MEF2D: variants seen among roughly 807,000 people sequenced by gnomAD.
MEF2D encodes myocyte-specific enhancer factor 2D.
Under a neutral mutation model 59.3 loss-of-function variants are expected in MEF2D, and 10 were observed. The ratio of observed to expected loss-of-function variants is 0.17; its 90% CI spans 0.10 to 0.29. MEF2D has a LOEUF of 0.29. Ranked by LOEUF, MEF2D falls within the 10% of genes least tolerant of loss-of-function variation. The pLI is 1.00. For synonymous variants in MEF2D, 305 were observed against 295.0 expected, an observed-to-expected ratio of 1.03 and a Z score of -0.35; for missense variants, 508 against 699.4, an observed-to-expected ratio of 0.73 and a Z score of 3.09.
rs182200859 is a variant in MEF2D, at chr1:156,487,989, T to G, written c.-138-4559A>C. ...AGGGGGTTGGCCAGGATGGCCTTCC[T>G]GTTCTGATGGCCCCAGGGCCTGCCC... is the stretch of plus-strand genomic sequence containing the variant. On this transcript the variant is annotated intron_variant, in intron 1 of 11. Coordinates refer to ENST00000348159, the MANE Select transcript of MEF2D (RefSeq NM_005920.4). 1.4e-4 allele frequency among the ~76,000 whole-genome samples: 21 copies of G among 152,358 alleles called. No homozygotes were observed. The East Asian group carries it at 4.0e-3, about 29-fold the overall frequency.
chr1:156,477,260 A>G, intron 6 of MEF2D, 58 bp from the exon 7 acceptor site: 3 of 1,452,018 alleles, frequency 2.1e-6, no homozygotes, highest in Non-Finnish European at 2.8e-6. Flanking sequence ...CTTCAGCCCT[A>G]TTAACTTCCC....
chr1:156,497,816 G>A (rs1438951555), intron 1 of MEF2D, among the ~76,000 whole-genome samples: 1 of 152,064 alleles, frequency 6.6e-6, no homozygotes, highest in Non-Finnish European at 1.5e-5. Flanking sequence ...AGAGCAGGGG[G>A]CCCAGCTGGT....
At chr1:156,480,630 T>G (rs1373010156) in intron 4 of MEF2D, 1 of 1,543,102 alleles carries the variant, frequency 6.5e-7, no homozygotes. Context: ...CTCTGCTCCA[T>G]GCGACTACTC....
chr1:156,481,356 A>T (rs181117380), intron 3 of MEF2D, among the ~76,000 whole-genome samples: 48 of 152,242 alleles, frequency 3.2e-4, no homozygotes, highest in Admixed American at 3.0e-3. Context: ...GTAAGCCCTG[A>T]CCAGAAGGCA....
chr1:156,497,120 T>C (rs1424618278), intron 1 of MEF2D, among the ~76,000 whole-genome samples: 3 of 152,234 alleles, frequency 2.0e-5, no homozygotes, highest in African/African-American at 7.2e-5. Context: ...TCCTACCTGC[T>C]GTGATCATGG....
intron 1 of MEF2D, among the ~76,000 whole-genome samples, chr1:156,492,130 G>T (rs1045326916): frequency 6.6e-6 from 1 of 152,366 alleles, no homozygotes; most frequent in Non-Finnish European, 1.5e-5. Context: ...CACTGCCTTG[G>T]GGCGTCACAG....
At position 156,466,414 on chromosome 1, in the gene MEF2D, G is replaced by C. The variant is rs1670848063; in HGVS notation, c.*1231C>G. 6.5e-6 allele frequency: 1 copy of C among 153,072 alleles called. No individual in the cohort carries two copies. Among genetic ancestry groups the C allele is most frequent in the Admixed American group, 6.5e-5 (1 of 15,282 alleles). 9.5% of individuals were successfully genotyped at this position (153,072 alleles called of 1,614,324 possible). On this transcript the variant is annotated 3_prime_UTR_variant, in exon 12 of 12. Transcript: ENST00000348159. ...ATGCAGCCTGGAGGTGGTGGGACAA[G>C]GAGGTAGCCAGAGACAATAGGGGCG... is the stretch of plus-strand genomic sequence containing the variant.
Position 156,472,751 on chromosome 1 carries a change from C to T in MEF2D, c.1006+2357G>A, listed in dbSNP as rs567203223. ...TTTTGAGATGGAGTCTCACTGTTGCCCAGGCTGGAGTGCAGTGGCGTGATC... is the reference window on the plus strand; with the variant it reads ...TTTTGAGATGGAGTCTCACTGTTGCTCAGGCTGGAGTGCAGTGGCGTGATC... On this transcript the variant is annotated intron_variant, in intron 9 of 11. Transcript: ENST00000348159. 2.0e-5 allele frequency among the ~76,000 whole-genome samples: 3 copies of T among 151,922 alleles called. No individual in the cohort carries two copies. In the East Asian group the frequency reaches 5.8e-4, roughly 30 times the overall value.
At chr1:156,478,490 G>A (rs1346136332) in intron 6 of MEF2D, among the ~76,000 whole-genome samples, 1 of 152,146 alleles carries the variant, frequency 6.6e-6, no homozygotes, top group East Asian at 1.9e-4. Flanking sequence ...AGGAGGGGCT[G>A]TCCGCTGCCA....
chr1:156,499,473 C>A (rs528689377), intron 1 of MEF2D: 62 of 152,280 alleles, frequency 4.1e-4, no homozygotes, highest in African/African-American at 1.4e-3. Flanking sequence ...GCCTTCCTTT[C>A]AGGAGGAGTC....
rs534985765 is a variant in MEF2D, at chr1:156,464,223, A to G, written c.*3422T>C. The G allele has an allele frequency of 6.6e-6, 1 of 152,476 alleles. No homozygotes were observed. Among genetic ancestry groups the G allele is most frequent in the African/African-American group, 2.4e-5 (1 of 41,476 alleles). The allele number at this position is 152,476 out of a possible 1,614,324, so 9.4% of individuals were successfully genotyped here. On this transcript the variant is annotated 3_prime_UTR_variant, in exon 12 of 12. Transcript: ENST00000348159. ...AAAGCCTAAACTTACCCCTCACCCC[A>G]CCCCAGGGGATTCCAAAGAGTCAGT...
At position 156,468,861 on chromosome 1, in the gene MEF2D, GGCTGCTGTGGCTGCGGTGGCT is replaced by G. The variant is rs1671045089; in HGVS notation, c.1145_1165del (p.Gln382_Gln388del). 3.1e-6 allele frequency: 5 copies of G among 1,607,992 alleles called. No homozygotes were observed. In the African/African-American group the frequency reaches 5.3e-5, roughly 17 times the overall value. On this transcript the variant is annotated inframe_deletion, in exon 10 of 12. Transcript: ENST00000348159. The surrounding 1 kb of genome is among the most constrained non-coding windows in gnomAD (Gnocchi z 4.3). ...CGGCTGCTGAGGCTGCTGTGGCTGT[GGCTGCTGTGGCTGCGGTGGCT>G]GCTGCTGTGGAGGCTGTGGCTGCTG...
At chr1:156,493,755 A>T (rs1195172664) in intron 1 of MEF2D, among the ~76,000 whole-genome samples, 2 of 152,046 alleles carry the variant, frequency 1.3e-5, no homozygotes, top group African/African-American at 2.4e-5. Flanking sequence ...ATCTGGAGTT[A>T]TCCTTCCTCT....
At chr1:156,470,930 T>A (rs997386439) in intron 9 of MEF2D, among the ~76,000 whole-genome samples, 1 of 152,170 alleles carries the variant, frequency 6.6e-6, no homozygotes, top group Non-Finnish European at 1.5e-5. Flanking sequence ...CAGGACTCTA[T>A]TACCTTTAAA....
rs952630270 is a variant in MEF2D, at chr1:156,480,868, C to T, written c.362G>A (p.Ser121Asn). 3 of 1,603,642 alleles carry T rather than the reference C, an allele frequency of 1.9e-6. No individual in the cohort carries two copies. Among genetic ancestry groups the T allele is most frequent in the Non-Finnish European group, 2.6e-6 (3 of 1,175,312 alleles). Residue 121 changes from serine (S) to asparagine (N), a missense_variant, in exon 4 of 12, where the codon AGC (serine) becomes AAC (asparagine). Transcript: ENST00000348159. ...PLLEDKYRRA[S>N]EELDGLFRRY... ...CCGGAAGAGCCCGTCGAGCTCCTCGCTGGCGCGTCGGTACTTGTCCTCCAG... is the reference window on the plus strand; with the variant it reads ...CCGGAAGAGCCCGTCGAGCTCCTCGTTGGCGCGTCGGTACTTGTCCTCCAG...
In MEF2D at chr1:156,468,963, C is replaced by A. The variant is rs755590612; in HGVS notation, c.1064G>T (p.Gly355Val). ...GGCAGTGACATTGCCTAGCGACAGCCCCCCAGGTGAACTAAAGGCTGGTAA... is the reference window on the plus strand; with the variant it reads ...GGCAGTGACATTGCCTAGCGACAGCACCCCAGGTGAACTAAAGGCTGGTAA... ...SSLPAFSSPG[G>V]LSLGNVTAWQ... Residue 355 changes from glycine to valine, a missense_variant, in exon 10 of 12, where the codon GGG becomes GTG. Transcript: ENST00000348159. The surrounding 1 kb of genome is among the most constrained non-coding windows in gnomAD (Gnocchi z 4.3). 1.8e-5 allele frequency: 29 copies of A among 1,613,322 alleles called. No homozygotes were observed. The highest frequency in any genetic ancestry group is 1.0e-5 in the Non-Finnish European group (12 of 1,179,530).
At chr1:156,499,546 C>A (rs998863465) in intron 1 of MEF2D, 4 of 152,104 alleles carry the variant, frequency 2.6e-5, no homozygotes, top group Non-Finnish European at 5.9e-5. Context: ...TTCCCCATCC[C>A]CCTAAGACCC....
chr1:156,479,435 G>T, intron 5 of MEF2D, 89 bp from the exon 6 acceptor site: 1 of 1,509,264 alleles, frequency 6.6e-7, no homozygotes, highest in South Asian at 1.2e-5. Context: ...GGGACCCCAG[G>T]AGGAAGAGTC....
intron 6 of MEF2D, among the ~76,000 whole-genome samples, chr1:156,477,948 T>C (rs1051439072): frequency 1.3e-5 from 2 of 152,238 alleles, no homozygotes; most frequent in Non-Finnish European, 2.9e-5. Flanking sequence ...ACACATGTAT[T>C]ATCTTATTTA....
Sources: gnomAD v4.1 joint callset for allele counts (sites outside exome capture counted in the v4.1 genomes callset) on GRCh38, gnomAD v4.1.1 for gene constraint, Gnocchi (gnomAD v3.1) non-coding constraint, MANE v1.5 for transcripts, NCBI Gene and HGNC (gene_info 2026-07-23, HGNC 2026-07-21) for gene names.